NKAIN3: variants seen among roughly 807,000 people sequenced by gnomAD.
The protein encoded by NKAIN3 is sodium/potassium transporting ATPase interacting 3.
A neutral mutation model predicts 30.2 loss-of-function variants in NKAIN3; 25 were observed. The ratio of observed to expected loss-of-function variants is 0.83; its 90% CI spans 0.60 to 1.16. The LOEUF is 1.16. NKAIN3 is among the 50% of genes most tolerant of loss of function. The probability of loss-of-function intolerance (pLI) is 0.00; values close to 1 mark genes in which losing one functional copy is unlikely to be tolerated. For synonymous variants in NKAIN3, 91 were observed against 89.6 expected, an observed-to-expected ratio of 1.02 and a Z score of -0.09; for missense variants, 225 against 254.1, an observed-to-expected ratio of 0.89 and a Z score of 0.78.
In NKAIN3 at chr8:62,838,126, G is replaced by GCC. The variant is rs1819424297; in HGVS notation, c.472-80326_472-80325insCC. Among the ~76,000 whole-genome samples, 18 of 85,910 alleles carry GCC rather than the reference G, an allele frequency of 2.1e-4. No homozygotes were observed. The South Asian group carries it at 9.5e-3, about 45-fold the overall frequency. 56.4% of individuals were successfully genotyped at this position (85,910 alleles called of 152,430 possible). On this transcript the variant is annotated intron_variant, in intron 4 of 6. Coordinates refer to ENST00000623646, the MANE Select transcript of NKAIN3 (RefSeq NM_001304533.3). Reference sequence around the variant, plus strand: ...TGTGTATCTCACTCTGAACAATACCGCTCTGTGTGTGTGTGTGTGTGTGTG... The same window carrying GCC: ...TGTGTATCTCACTCTGAACAATACCGCCCTCTGTGTGTGTGTGTGTGTGTGTG...
At chr8:62,605,594 T>G (rs1266560347) in intron 3 of NKAIN3, among the ~76,000 whole-genome samples, 1 of 151,842 alleles carries the variant, frequency 6.6e-6, no homozygotes, top group Non-Finnish European at 1.5e-5. Flanking sequence ...TCAAAACTAT[T>G]TGGAAGAAAG....
At chr8:62,560,093 T>C (rs1330196875) in intron 1 of NKAIN3, among the ~76,000 whole-genome samples, 1 of 152,168 alleles carries the variant, frequency 6.6e-6, no homozygotes, top group Non-Finnish European at 1.5e-5. Flanking sequence ...AATATTTTGC[T>C]TTTCATTCTG....
At chr8:62,615,070 G>A (rs1811410209) in intron 3 of NKAIN3, among the ~76,000 whole-genome samples, 1 of 152,094 alleles carries the variant, frequency 6.6e-6, no homozygotes. Context: ...AGCAGAAGGA[G>A]TTTCGCCCCA....
At chr8:62,630,234 C>T (rs1283226647) in intron 3 of NKAIN3, among the ~76,000 whole-genome samples, 1 of 151,934 alleles carries the variant, frequency 6.6e-6, no homozygotes, top group Non-Finnish European at 1.5e-5. Flanking sequence ...GAATGCATCC[C>T]CTGCAGATAA....
chr8:62,761,885 G>A (rs1274588499), intron 4 of NKAIN3, among the ~76,000 whole-genome samples: 2 of 152,190 alleles, frequency 1.3e-5, no homozygotes, highest in African/African-American at 4.8e-5. Flanking sequence ...ATTTCTGGTA[G>A]CTAGGTTGTG....
chr8:62,946,907 T>C (rs984938154), intron 5 of NKAIN3, among the ~76,000 whole-genome samples: 3 of 152,162 alleles, frequency 2.0e-5, no homozygotes, highest in African/African-American at 7.2e-5. Flanking sequence ...CAGTGTGCAA[T>C]ATAGCTGGAA....
rs372650177 is a variant in NKAIN3 at position 62,855,717 on chromosome 8, C to A, written c.472-62736C>A. Reference sequence around the variant, plus strand: ...CTGCATGTGAAGCGGAGCTTCTGAACGATAGCCTTCATCTTGTCCACCTGC... The same window carrying A: ...CTGCATGTGAAGCGGAGCTTCTGAAAGATAGCCTTCATCTTGTCCACCTGC... On this transcript the variant is annotated intron_variant, in intron 4 of 6. Coordinates refer to ENST00000623646, the MANE Select transcript of NKAIN3 (RefSeq NM_001304533.3). 12 of 1,555,254 alleles carry A rather than the reference C, an allele frequency of 7.7e-6. No homozygotes were observed. In the African/African-American group the frequency reaches 1.5e-4, roughly 19 times the overall value.
At chr8:62,839,980 T>C (rs150878374) in intron 4 of NKAIN3, among the ~76,000 whole-genome samples, 1 of 152,256 alleles carries the variant, frequency 6.6e-6, no homozygotes, top group East Asian at 1.9e-4. Flanking sequence ...GAATTTTCTC[T>C]CTAGATTGTA....
At chr8:62,790,933 G>A (rs375982473) in intron 4 of NKAIN3, among the ~76,000 whole-genome samples, 220 of 152,074 alleles carry the variant, frequency 1.4e-3, no homozygotes, top group African/African-American at 4.8e-3. Context: ...TATCTCGGCC[G>A]ATGACCATCC....
At chr8:62,808,457 C>CTA (rs1376436009) in intron 4 of NKAIN3, among the ~76,000 whole-genome samples, 4 of 152,144 alleles carry the variant, frequency 2.6e-5, no homozygotes, top group African/African-American at 9.7e-5. Flanking sequence ...TAAGCATTCC[C>CTA]TATCAGGGGA....
intron 3 of NKAIN3, among the ~76,000 whole-genome samples, chr8:62,651,047 C>A (rs572340416): frequency 8.6e-5 from 13 of 151,614 alleles, no homozygotes; most frequent in African/African-American, 3.1e-4. Flanking sequence ...CAGAGACTCT[C>A]TATAAGATGT....
chr8:62,523,380 G>A lies in NKAIN3; in HGVS notation c.55-56159G>A, dbSNP rs575857484. On this transcript the variant is annotated intron_variant, in intron 1 of 6. Coordinates refer to ENST00000623646, the MANE Select transcript of NKAIN3 (RefSeq NM_001304533.3). ...AACAAAGCATGATTTTATTGTGCTT[G>A]AGAGAGCTGAGGAATGCTTGACCTT... 1.4e-3 allele frequency among the ~76,000 whole-genome samples: 212 copies of A among 152,224 alleles called. 1 individual carries two copies. Among genetic ancestry groups the A allele is most frequent in the Middle Eastern group, 0.01 (3 of 294 alleles).
At chr8:62,731,192 G>A (rs1419063577) in intron 3 of NKAIN3, among the ~76,000 whole-genome samples, 1 of 151,270 alleles carries the variant, frequency 6.6e-6, no homozygotes, top group African/African-American at 2.4e-5. Context: ...CTCTGCTAGA[G>A]CAACATTGTT....
In NKAIN3 at chr8:62,794,084, AGAATAGGT is replaced by A. The variant is rs1460844243; in HGVS notation, c.471+46958_471+46965del. Among the ~76,000 whole-genome samples, 20 of 152,310 alleles carry A rather than the reference AGAATAGGT, an allele frequency of 1.3e-4. No homozygotes were observed. The East Asian group carries it at 2.9e-3, about 22-fold the overall frequency. Reference sequence around the variant, plus strand: ...CTCTCTTACAACATCAGTGGCTATTAGAATAGGTGAGCTGCAGTGCTAGCAATAGCTTT... The same window carrying A: ...CTCTCTTACAACATCAGTGGCTATTAGAGCTGCAGTGCTAGCAATAGCTTT... On this transcript the variant is annotated intron_variant, in intron 4 of 6. Coordinates refer to ENST00000623646, the MANE Select transcript of NKAIN3 (RefSeq NM_001304533.3).
intron 1 of NKAIN3, among the ~76,000 whole-genome samples, chr8:62,438,492 C>T (rs973633201): frequency 1.3e-5 from 2 of 152,186 alleles, no homozygotes; most frequent in African/African-American, 4.8e-5. Flanking sequence ...AGGTTCCCTA[C>T]CGTGTTACCT....
Position 62,781,097 on chromosome 8 carries a change from A to G in NKAIN3, c.471+33968A>G, listed in dbSNP as rs1237733723. On this transcript the variant is annotated intron_variant, in intron 4 of 6. Coordinates refer to ENST00000623646, the MANE Select transcript of NKAIN3 (RefSeq NM_001304533.3). ...AATTCAGTGAAGTTGCAGGATACAA[A>G]ATTAACATAAAAATCAGTAGCATTT... Among the ~76,000 whole-genome samples, 5 of 152,186 alleles carry G rather than the reference A, an allele frequency of 3.3e-5. No individual in the cohort carries two copies. In the East Asian group the frequency reaches 7.7e-4, roughly 24 times the overall value.
At chr8:62,476,725 G>T (rs1263833936) in intron 1 of NKAIN3, among the ~76,000 whole-genome samples, 4 of 152,110 alleles carry the variant, frequency 2.6e-5, no homozygotes, top group Middle Eastern at 3.2e-3. Context: ...AAAGTGCTGG[G>T]ATTACAGGCG....
intron 3 of NKAIN3, among the ~76,000 whole-genome samples, chr8:62,690,255 C>A (rs1160869127): frequency 6.6e-6 from 1 of 152,100 alleles, no homozygotes; most frequent in Non-Finnish European, 1.5e-5. Context: ...TTCTCCCAAC[C>A]GGGCCATGCA....
At chr8:62,775,067 G>A (rs560005517) in intron 4 of NKAIN3, among the ~76,000 whole-genome samples, 1 of 152,142 alleles carries the variant, frequency 6.6e-6, no homozygotes, top group Non-Finnish European at 1.5e-5. Context: ...TCTTATTATG[G>A]CATTAATCTA....
Sources: gnomAD v4.1 joint callset for allele counts (sites outside exome capture counted in the v4.1 genomes callset) on GRCh38, gnomAD v4.1.1 for gene constraint, MANE v1.5 for transcripts, NCBI Gene and HGNC (gene_info 2026-07-23, HGNC 2026-07-21) for gene names.